Variants in STAT5B observed in about 807,000 individuals in gnomAD.
The protein encoded by STAT5B is transcription factor STAT5B.
A neutral mutation model predicts 107.8 loss-of-function variants in STAT5B; 21 were observed. That is an observed-to-expected ratio of 0.19 (90% CI 0.14 to 0.28). The LOEUF (loss-of-function observed/expected upper bound fraction) is 0.28. Among genes scored for constraint, STAT5B ranks in the 10% least tolerant of loss-of-function variants. The pLI is 1.00. For synonymous variants in STAT5B, 325 were observed against 401.7 expected (o/e 0.81, Z 2.28); for missense variants, 565 against 1,008.2 (o/e 0.56, Z 5.95).
chr17:42,223,677 G>T, intron 4 of STAT5B, 121 bp from the exon 5 acceptor site: 1 of 1,245,880 alleles, frequency 8.0e-7, no homozygotes, highest in Non-Finnish European at 1.1e-6. Context: ...ATTTTGAGTC[G>T]GGAGGAAAAG....
At chr17:42,250,548 A>G (rs1157415012) in intron 1 of STAT5B, among the ~76,000 whole-genome samples, 1 of 152,224 alleles carries the variant, frequency 6.6e-6, no homozygotes, top group East Asian at 1.9e-4. Context: ...TAGAATTATA[A>G]TAACAGTAGT....
At chr17:42,248,631 A>G (rs1156326486) in intron 1 of STAT5B, among the ~76,000 whole-genome samples, 1 of 152,228 alleles carries the variant, frequency 6.6e-6, no homozygotes, top group Non-Finnish European at 1.5e-5. Context: ...ATGCTCCTAC[A>G]GCACACAACA....
Position 42,218,336 on chromosome 17 carries a change from G to A in STAT5B, c.990-6C>T. On this transcript the variant is annotated splice_region_variant and splice_polypyrimidine_tract_variant and intron_variant, in intron 8 of 18. Transcript: ENST00000293328. ...GCTTCTCAATGATGAACGTGCTGCA[G>A]GGGACACAGGGACAGATGCATGATG... is the stretch of plus-strand genomic sequence containing the variant. The A allele has an allele frequency of 6.2e-7, 1 of 1,613,082 alleles. No individual in the cohort carries two copies. Among genetic ancestry groups the A allele is most frequent in the Non-Finnish European group, 8.5e-7 (1 of 1,179,224 alleles).
chr17:42,268,281 C>T (rs140022673), intron 1 of STAT5B, among the ~76,000 whole-genome samples: 46 of 152,256 alleles, frequency 3.0e-4, no homozygotes, highest in African/African-American at 1.1e-3. Flanking sequence ...TACACAAATA[C>T]TTACCCTTGT....
chr17:42,259,641 G>T (rs941739007), intron 1 of STAT5B, among the ~76,000 whole-genome samples: 5 of 152,048 alleles, frequency 3.3e-5, no homozygotes, highest in Non-Finnish European at 7.4e-5. Flanking sequence ...ACAAAAATTA[G>T]CCGGGCGTGG....
chr17:42,262,156 T>C (rs2080603937), intron 1 of STAT5B, among the ~76,000 whole-genome samples: 2 of 152,160 alleles, frequency 1.3e-5, no homozygotes. Flanking sequence ...TGTCAAGTGT[T>C]AAAATTCTTT....
chr17:42,205,554 T>C (rs1288449156), intron 16 of STAT5B, among the ~76,000 whole-genome samples: 2 of 152,202 alleles, frequency 1.3e-5, no homozygotes, highest in Non-Finnish European at 2.9e-5. Context: ...TCTCTTGGCA[T>C]ACAATGTTTT....
chr17:42,202,486 G>T (rs774686067), intron 17 of STAT5B, 39 bp from the exon 18 acceptor site: 3 of 1,608,462 alleles, frequency 1.9e-6, no homozygotes, highest in Admixed American at 3.4e-5. Context: ...CTGCCAGGGA[G>T]GCCAGGGCAG....
chr17:42,278,724 T>C (rs1307142635), upstream of STAT5B, among the ~76,000 whole-genome samples: 2 of 152,142 alleles, frequency 1.3e-5, no homozygotes, highest in Admixed American at 1.3e-4. Flanking sequence ...CTCACGCCTG[T>C]AGTCCCAGCA....
chr17:42,250,015 A>G (rs1487905706), intron 1 of STAT5B, among the ~76,000 whole-genome samples: 1 of 152,212 alleles, frequency 6.6e-6, no homozygotes, highest in Admixed American at 6.5e-5. Flanking sequence ...TACGCATTCA[A>G]TCTTCCCAGA....
At chr17:42,222,680 ATTTT>A (rs112956748) in intron 5 of STAT5B, among the ~76,000 whole-genome samples, 1 of 139,022 alleles carries the variant, frequency 7.2e-6, no homozygotes. Context: ...CCAGCTTAGA[ATTTT>A]TTTTTTTTTT....
rs1303466563 is a variant in STAT5B, at chr17:42,200,533, A to C, written c.*1205T>G. The stretch of plus-strand genomic sequence containing the variant: ...GACTGCATTTCCACACATTACCAAC[A>C]CCTGCCAGGACTTCACAGCAGGGTG... On this transcript the variant is annotated 3_prime_UTR_variant, in exon 19 of 19. Coordinates refer to ENST00000293328, the MANE Select transcript of STAT5B (RefSeq NM_012448.4). The C allele has an allele frequency of 2.1e-4, 32 of 152,682 alleles. No individual in the cohort carries two copies. In the Admixed American group the frequency reaches 2.1e-3, roughly 10 times the overall value. The allele number at this position is 152,682 out of a possible 1,614,324, so 9.5% of individuals were successfully genotyped here. A position where few individuals can be genotyped will look rare whatever the true frequency, so the allele number is the denominator to read the frequency against.
At chr17:42,257,322 T>C (rs537379483) in intron 1 of STAT5B, among the ~76,000 whole-genome samples, 10 of 152,338 alleles carry the variant, frequency 6.6e-5, no homozygotes, top group Non-Finnish European at 1.2e-4. Flanking sequence ...TGACAAAGTC[T>C]GTGTGTTCAA....
intron 11 of STAT5B, 32 bp downstream of exon 11, chr17:42,217,128 C>T (rs1219856937): frequency 6.3e-7 from 1 of 1,599,294 alleles, no homozygotes; most frequent in South Asian, 1.1e-5. Context: ...CACACACGCA[C>T]ACGCACACGC....
At chr17:42,244,428 G>C (rs899232860) in intron 1 of STAT5B, among the ~76,000 whole-genome samples, 1 of 151,806 alleles carries the variant, frequency 6.6e-6, no homozygotes, top group South Asian at 2.1e-4. Context: ...TATTTGTACT[G>C]TAATTCAAGA....
At chr17:42,213,396 A>G (rs2080144876) in intron 12 of STAT5B, among the ~76,000 whole-genome samples, 1 of 152,042 alleles carries the variant, frequency 6.6e-6, no homozygotes, top group African/African-American at 2.4e-5. Context: ...TTGTAGAGAC[A>G]GGGTTTTGCT....
chr17:42,246,882 G>T (rs753501329), intron 1 of STAT5B, among the ~76,000 whole-genome samples: 1 of 152,162 alleles, frequency 6.6e-6, no homozygotes, highest in Admixed American at 6.5e-5. Flanking sequence ...AACAATTCAA[G>T]GTGTCTAGAA....
upstream of STAT5B, among the ~76,000 whole-genome samples, chr17:42,278,468 G>A (rs1338290672): frequency 1.3e-5 from 2 of 152,166 alleles, no homozygotes; most frequent in South Asian, 2.1e-4. Context: ...CTACTGAGGA[G>A]GCTAAGGTGG....
intron 1 of STAT5B, chr17:42,234,684 A>G (rs2080343319): frequency 6.6e-6 from 1 of 152,210 alleles, no homozygotes; most frequent in African/African-American, 2.4e-5. Context: ...ACATGGCGAA[A>G]CCCCGTCTCT....
Sources: gnomAD v4.1 joint callset for allele counts (sites outside exome capture counted in the v4.1 genomes callset) on GRCh38, gnomAD v4.1.1 for gene constraint, MANE v1.5 for transcripts, NCBI Gene and HGNC (gene_info 2026-07-23, HGNC 2026-07-21) for gene names.